Variants in RNF115 observed in about 807,000 individuals in gnomAD.
RNF115 encodes the protein ring finger protein 115, also known as E3 ubiquitin-protein ligase RNF115.
A neutral mutation model predicts 39.2 loss-of-function variants in RNF115; 31 were observed. The observed-to-expected ratio is 0.79, with a 90% CI of 0.59 to 1.07. The LOEUF is 1.07. Ranked by LOEUF, RNF115 falls within the 50% of genes least tolerant of loss-of-function variation. RNF115 has a pLI of 0.00. For missense variants in RNF115, 384 were observed against 381.7 expected, an observed-to-expected ratio of 1.01 and a Z score of -0.05; for synonymous variants, 124 against 131.0, an observed-to-expected ratio of 0.95 and a Z score of 0.37.
intron 1 of RNF115, among the ~76,000 whole-genome samples, chr1:145,793,165 A>C (rs868910732): frequency 2.0e-5 from 3 of 152,182 alleles, no homozygotes; most frequent in South Asian, 4.1e-4. Flanking sequence ...CAAAAATTTA[A>C]AAATTAGCCA....
At chr1:145,785,900 C>T (rs1226900626) in intron 2 of RNF115, among the ~76,000 whole-genome samples, 2 of 152,168 alleles carry the variant, frequency 1.3e-5, no homozygotes, top group African/African-American at 2.4e-5. Flanking sequence ...AGTACTTGTA[C>T]ATCTATGCTA....
intron 2 of RNF115, 159 bp downstream of exon 2, chr1:145,788,749 C>G (rs1226352002): frequency 1.4e-6 from 1 of 712,832 alleles, no homozygotes; most frequent in Non-Finnish European, 2.5e-6. Flanking sequence ...CATTCTTCTG[C>G]CCTCTCTTGT....
chr1:145,782,130 C>T (rs1336409642), intron 3 of RNF115, among the ~76,000 whole-genome samples: 1 of 151,984 alleles, frequency 6.6e-6, no homozygotes, highest in Non-Finnish European at 1.5e-5. Context: ...GTCTTGAACT[C>T]CCAACCTCCC....
chr1:145,797,814 C>T (rs1428287509), intron 1 of RNF115, among the ~76,000 whole-genome samples: 2 of 151,362 alleles, frequency 1.3e-5, no homozygotes, highest in Non-Finnish European at 2.9e-5. Context: ...TCGTAATTCC[C>T]TGTTTGTTTT....
intron 3 of RNF115, among the ~76,000 whole-genome samples, chr1:145,776,110 A>C (rs1314309328): frequency 1.3e-5 from 2 of 151,262 alleles, no homozygotes; most frequent in African/African-American, 4.9e-5. Flanking sequence ...TACTGTACCA[A>C]TTCAGACTCC....
chr1:145,791,255 G>A (rs1051414039), intron 1 of RNF115, among the ~76,000 whole-genome samples: 6 of 151,870 alleles, frequency 4.0e-5, no homozygotes, highest in African/African-American at 1.5e-4. Context: ...GCTCATGCCT[G>A]TAATCCCAGC....
At chr1:145,751,806 T>G (rs1213192449) in intron 5 of RNF115, among the ~76,000 whole-genome samples, 2 of 152,154 alleles carry the variant, frequency 1.3e-5, no homozygotes, top group East Asian at 1.9e-4. Flanking sequence ...TTTCAAAAAT[T>G]TGTGTTTTCT....
chr1:145,772,880 G>C (rs1401759687), intron 3 of RNF115: 2 of 152,064 alleles, frequency 1.3e-5, no homozygotes, highest in African/African-American at 4.8e-5. Flanking sequence ...CCTGGACTCT[G>C]TTCATTTTTC....
At chr1:145,787,389 C>T (rs201231087) in intron 2 of RNF115, among the ~76,000 whole-genome samples, 11 of 151,866 alleles carry the variant, frequency 7.2e-5, no homozygotes, top group East Asian at 3.9e-4. Context: ...CTGGCAAACA[C>T]GGTGAAACCC....
intron 4 of RNF115, among the ~76,000 whole-genome samples, 195 bp from the exon 5 acceptor site, chr1:145,753,244 C>G (rs1658164422): frequency 6.6e-6 from 1 of 152,160 alleles, no homozygotes; most frequent in Non-Finnish European, 1.5e-5. Flanking sequence ...TCTTCCTGAG[C>G]TCTGCTATCT....
chr1:145,795,509 G>T (rs1648936180), intron 1 of RNF115, among the ~76,000 whole-genome samples: 1 of 152,088 alleles, frequency 6.6e-6, no homozygotes, highest in Non-Finnish European at 1.5e-5. Flanking sequence ...GCTGATTAGT[G>T]TGTTTACAAT....
intron 1 of RNF115, among the ~76,000 whole-genome samples, chr1:145,817,515 T>C (rs1224413967): frequency 6.8e-6 from 1 of 146,102 alleles, no homozygotes; most frequent in Non-Finnish European, 1.5e-5. Context: ...CATATCTGAT[T>C]TTAACTGGGG....
Position 145,738,967 on chromosome 1 carries a change from T to C in RNF115, c.*7899A>G, listed in dbSNP as rs1657607511. The C allele has an allele frequency of 6.5e-6, 1 of 154,318 alleles. No homozygotes were observed. The allele number at this position is 154,318 out of a possible 1,614,324, so 9.6% of individuals were successfully genotyped here. On this transcript the variant is annotated 3_prime_UTR_variant, in exon 9 of 9. Transcript: ENST00000582693. ...AAGGAAGACAGCCAGATCCAGTGAT[T>C]GACTTGGCATGAAAATGAGAAAATG...
Position 145,752,973 on chromosome 1 carries a change from C to A in RNF115, c.500+5G>T. The A allele has an allele frequency of 6.3e-7, 1 of 1,581,078 alleles. No homozygotes were observed. The highest frequency in any genetic ancestry group is 8.7e-7 in the Non-Finnish European group (1 of 1,150,458). Reference sequence around the variant, plus strand: ...GAGTAAGATAGAAAACAATTAGTTACTTACCAGGAAAAAGGGTGTGGAGAT... The same window carrying A: ...GAGTAAGATAGAAAACAATTAGTTAATTACCAGGAAAAAGGGTGTGGAGAT... On this transcript the variant is annotated splice_donor_5th_base_variant and intron_variant, in intron 5 of 8. Transcript: ENST00000582693.
chr1:145,816,801 C>T lies in RNF115; in HGVS notation c.102+6971G>A, dbSNP rs1570699660. Among the ~76,000 whole-genome samples the T allele has an allele frequency of 2.1e-5, 3 of 140,194 alleles. No homozygotes were observed. The South Asian group carries it at 7.9e-4, about 37-fold the overall frequency. The allele number at this position is 140,194 out of a possible 152,430, so 92.0% of individuals were successfully genotyped here. On this transcript the variant is annotated intron_variant, in intron 1 of 8. Transcript: ENST00000582693. ...CTCTTCTCTCTCATCCAGACTGGGTCTCTGTTGCCCAGGCTGGAGTACAGT... is the reference window on the plus strand; with the variant it reads ...CTCTTCTCTCTCATCCAGACTGGGTTTCTGTTGCCCAGGCTGGAGTACAGT...
intron 4 of RNF115, among the ~76,000 whole-genome samples, chr1:145,756,831 CTTTT>C (rs142073195): frequency 2.7e-4 from 18 of 67,868 alleles, no homozygotes; most frequent in South Asian, 5.4e-4. Flanking sequence ...TTTCTAGCTT[CTTTT>C]TTTTTTTTTT....
intron 4 of RNF115, among the ~76,000 whole-genome samples, chr1:145,763,966 C>T (rs901457670): frequency 1.3e-5 from 2 of 148,744 alleles, no homozygotes; most frequent in African/African-American, 4.9e-5. Context: ...GATGCCGAGC[C>T]GAAGCTGGAC....
intron 7 of RNF115, 112 bp downstream of exon 7, chr1:145,750,295 A>T: frequency 1.4e-5 from 12 of 853,416 alleles, no homozygotes; most frequent in Admixed American, 8.2e-5. Context: ...TTTTTTTCTT[A>T]TTTTTTTGTC....
At chr1:145,766,198 T>G (rs1279380322) in intron 4 of RNF115, among the ~76,000 whole-genome samples, 2 of 152,188 alleles carry the variant, frequency 1.3e-5, no homozygotes, top group African/African-American at 4.8e-5. Context: ...CGATGACTCT[T>G]AACAAGCATG....
Sources: gnomAD v4.1 joint callset for allele counts (sites outside exome capture counted in the v4.1 genomes callset) on GRCh38, gnomAD v4.1.1 for gene constraint, MANE v1.5 for transcripts, NCBI Gene and HGNC (gene_info 2026-07-23, HGNC 2026-07-21) for gene names.